The following LSS variants were observed in gnomAD, a reference collection of about 807,000 sequenced individuals.
LSS encodes lanosterol synthase, also known as 2,3-epoxysqualene-lanosterol cyclase.
LSS carries 90 observed loss-of-function variants against 110.3 expected under a neutral mutation model. The ratio of observed to expected loss-of-function variants is 0.82; its 90% confidence interval spans 0.69 to 0.97. The LOEUF (loss-of-function observed/expected upper bound fraction) is 0.97. Ranked by LOEUF, LSS falls within the 50% of genes least tolerant of loss-of-function variation. The probability of loss-of-function intolerance (pLI) is 0.00; values close to 1 mark genes in which losing one functional copy is unlikely to be tolerated. For missense variants in LSS, 927 were observed against 990.0 expected, an observed-to-expected ratio of 0.94 and a Z score of 0.85; for synonymous variants, 433 against 400.0, an observed-to-expected ratio of 1.08 and a Z score of -0.98.
At chr21:46,191,394 G>A (rs1383783160) in intron 21 of LSS, among the ~76,000 whole-genome samples, 159 bp from the exon 22 acceptor site, 2 of 152,258 alleles carry the variant, frequency 1.3e-5, no homozygotes, top group Non-Finnish European at 2.9e-5. Context: ...AGTCCATCCC[G>A]CATCAGTCAT....
chr21:46,226,531 G>C lies in LSS; in HGVS notation c.319+1021C>G, dbSNP rs77507005. Among the ~76,000 whole-genome samples, 6 of 152,366 alleles carry C rather than the reference G, an allele frequency of 3.9e-5. No homozygotes were observed. In the East Asian group the frequency reaches 9.6e-4, roughly 24 times the overall value. ...GGCAGCAGGGCTAGAAGTCAAAGCA[G>C]AGATGGGGATCCCAGTGCTCCTCCT... On this transcript the variant is annotated intron_variant, in intron 3 of 21. Transcript: ENST00000397728.
chr21:46,228,350 C>T (rs1214990754), intron 2 of LSS, 84 bp downstream of exon 2: 1 of 1,487,768 alleles, frequency 6.7e-7, no homozygotes, highest in African/African-American at 1.4e-5. Context: ...GGTCCTCCCA[C>T]CCGCCTTTCT....
chr21:46,203,602 C>T (rs1210750063), intron 17 of LSS, among the ~76,000 whole-genome samples: 1 of 152,266 alleles, frequency 6.6e-6, no homozygotes, highest in African/African-American at 2.4e-5. Flanking sequence ...GGCCAATTCT[C>T]TAAATGTGGC....
intron 3 of LSS, among the ~76,000 whole-genome samples, chr21:46,223,508 G>A (rs530219813): frequency 8.5e-5 from 13 of 152,332 alleles, no homozygotes; most frequent in Non-Finnish European, 1.3e-4. Context: ...TGCCCTGTGT[G>A]GGCGGCAAGC....
chr21:46,226,054 T>C (rs2080336033), intron 3 of LSS, among the ~76,000 whole-genome samples: 1 of 151,402 alleles, frequency 6.6e-6, no homozygotes, highest in Non-Finnish European at 1.5e-5. Flanking sequence ...GAGAATCACT[T>C]GGACCCAGGA....
Position 46,227,461 on chromosome 21 carries a change from T to C in LSS, c.319+91A>G. On this transcript the variant is annotated intron_variant, in intron 3 of 21. Transcript: ENST00000397728. Reference sequence around the variant, plus strand: ...TCTTGTGAGCCCCTGGATTTTCACCTGCTTCATCAAAACCCTAGACCAGGC... The same window carrying C: ...TCTTGTGAGCCCCTGGATTTTCACCCGCTTCATCAAAACCCTAGACCAGGC... The C allele has an allele frequency of 4.0e-6, 6 of 1,494,100 alleles. No individual in the cohort carries two copies. In the South Asian group the frequency reaches 6.3e-5, roughly 16 times the overall value. 92.6% of individuals were successfully genotyped at this position (1,494,100 alleles called of 1,614,324 possible). A position where few individuals can be genotyped will look rare whatever the true frequency, so the allele number is the denominator to read the frequency against.
Position 46,190,908 on chromosome 21 carries a change from A to C in LSS, c.*196T>G, listed in dbSNP as rs2079801136. The C allele has an allele frequency of 1.7e-6, 1 of 583,832 alleles. No individual in the cohort carries two copies. The highest frequency in any genetic ancestry group is 2.8e-5 in the East Asian group (1 of 35,632). The allele number at this position is 583,832 out of a possible 1,614,324, so 36.2% of individuals were successfully genotyped here. On this transcript the variant is annotated 3_prime_UTR_variant, in exon 22 of 22. Coordinates refer to ENST00000397728, the MANE Select transcript of LSS (RefSeq NM_002340.6). This position sits in a 1 kb window ranked among gnomAD's most constrained non-coding sequence, Gnocchi z 4.6. ...ACAAGCTACTTTCAGAAATGAACCT[A>C]CAGTAAAAATCAAGAGTCTAAGCCA... is the stretch of plus-strand genomic sequence containing the variant.
chr21:46,225,443 G>C (rs2080325908), intron 3 of LSS: 2 of 451,856 alleles, frequency 4.4e-6, no homozygotes, highest in Middle Eastern at 7.0e-4. Context: ...TAGCATACCG[G>C]GAAAGGGAAT....
chr21:46,219,705 A>G (rs2080250983), intron 5 of LSS, 133 bp from the exon 6 acceptor site: 2 of 521,092 alleles, frequency 3.8e-6, no homozygotes, highest in Admixed American at 8.0e-5. Context: ...CCTCATGTGG[A>G]TCTTGCGACC....
At chr21:46,198,267 T>TAAA (rs34529498) in intron 17 of LSS, among the ~76,000 whole-genome samples, 1 of 143,672 alleles carries the variant, frequency 7.0e-6, no homozygotes, top group African/African-American at 2.6e-5. Context: ...CTGCGTCCCT[T>TAAA]AAAAAAAAAA....
In LSS at chr21:46,221,964, T is replaced by G. The variant is rs760372234; in HGVS notation, c.440A>C (p.Asp147Ala). ...PDGGWGLHIE[D>A]KSTVFGTALN... ...CGCAGTCCCAAACACGGTGGACTTA[T>G]CCTCAATGTGCCTACAGGAGCAGAG... The change falls in exon 5 of 22, where the codon GAT becomes GCT. Residue 147 changes from aspartate to alanine, a missense_variant. Coordinates refer to ENST00000397728, the MANE Select transcript of LSS (RefSeq NM_002340.6). 2.5e-6 allele frequency: 4 copies of G among 1,614,044 alleles called. No individual in the cohort carries two copies. The East Asian group carries it at 8.9e-5, about 36-fold the overall frequency.
chr21:46,194,726 C>T, intron 19 of LSS, 65 bp from the exon 20 acceptor site: 4 of 1,518,342 alleles, frequency 2.6e-6, no homozygotes, highest in Non-Finnish European at 2.7e-6. Flanking sequence ...TGGCTTCTCA[C>T]CCCAGCAGGC....
chr21:46,221,832 G>A, intron 5 of LSS, 22 bp downstream of exon 5: 1 of 1,613,658 alleles, frequency 6.2e-7, no homozygotes, highest in Non-Finnish European at 8.5e-7. Flanking sequence ...CCCTGGCCCA[G>A]CACATGCTGC....
chr21:46,204,854 T>C (rs2080025169), intron 17 of LSS, among the ~76,000 whole-genome samples: 1 of 151,858 alleles, frequency 6.6e-6, no homozygotes, highest in African/African-American at 2.4e-5. Context: ...AAAAACATTA[T>C]AAAGAAAAAA....
At chr21:46,224,292 T>C (rs778130214) in intron 3 of LSS, among the ~76,000 whole-genome samples, 13 of 152,212 alleles carry the variant, frequency 8.5e-5, no homozygotes, top group Non-Finnish European at 1.8e-4. Flanking sequence ...CTCACACTCT[T>C]TACCCTGCCC....
At chr21:46,207,620 C>A (rs765748601) in intron 14 of LSS, 43 bp from the exon 15 acceptor site, 44 of 1,589,508 alleles carry the variant, frequency 2.8e-5, no homozygotes, top group Non-Finnish European at 3.4e-5. Context: ...GGTGTCCACA[C>A]CCCAGTTCTC....
chr21:46,188,823 T>C lies in LSS; in HGVS notation c.*2281A>G, dbSNP rs977471293. The C allele has an allele frequency of 2.1e-6, 1 of 466,992 alleles. No homozygotes were observed. Among genetic ancestry groups the C allele is most frequent in the Non-Finnish European group, 4.5e-6 (1 of 223,790 alleles). The allele number at this position is 466,992 out of a possible 1,614,324, so 28.9% of individuals were successfully genotyped here. The stretch of plus-strand genomic sequence containing the variant: ...CTGCGTCCTGTGACTTGAAGGCCAC[T>C]GTGAAGGAAAACAATGCAGTGAAAG... On this transcript the variant is annotated 3_prime_UTR_variant, in exon 22 of 22. Coordinates refer to ENST00000397728, the MANE Select transcript of LSS (RefSeq NM_002340.6).
intron 3 of LSS, among the ~76,000 whole-genome samples, chr21:46,223,834 G>A (rs950282152): frequency 2.6e-5 from 4 of 152,184 alleles, no homozygotes; most frequent in Admixed American, 1.3e-4. Context: ...TAACGCCAGC[G>A]TCTGGGAAGA....
At chr21:46,214,321 GC>G (rs1456017473) in intron 9 of LSS, among the ~76,000 whole-genome samples, 12 of 152,194 alleles carry the variant, frequency 7.9e-5, no homozygotes, top group African/African-American at 2.9e-4. Context: ...AGATCCAATT[GC>G]AAGCATGTTT....
Sources: allele counts gnomAD v4.1 joint callset (sites outside exome capture counted in the v4.1 genomes callset), GRCh38; gene constraint gnomAD v4.1.1; non-coding constraint Gnocchi (gnomAD v3.1); transcripts MANE v1.5; gene names NCBI Gene and HGNC (gene_info 2026-07-23, HGNC 2026-07-21).